SRPK2: variants seen among roughly 807,000 people sequenced by gnomAD.
SRPK2 encodes SRSF protein kinase 2.
SRPK2 carries 21 observed loss-of-function variants against 90.8 expected under a neutral mutation model. The observed-to-expected ratio is 0.23, with a 90% CI of 0.16 to 0.33. The LOEUF (loss-of-function observed/expected upper bound fraction) is 0.33. Ranked by LOEUF, SRPK2 falls within the 10% of genes least tolerant of loss-of-function variation. The pLI is 1.00. For missense variants in SRPK2, 620 were observed against 869.0 expected, an observed-to-expected ratio of 0.71 and a Z score of 3.60; for synonymous variants, 288 against 311.1, an observed-to-expected ratio of 0.93 and a Z score of 0.78.
In SRPK2 at chr7:105,142,361, T is replaced by A; in HGVS notation, c.1190A>T (p.His397Leu). 1 of 1,614,164 alleles carries A rather than the reference T, an allele frequency of 6.2e-7. No individual in the cohort carries two copies. The highest frequency in any genetic ancestry group is 8.5e-7 in the Non-Finnish European group (1 of 1,180,006). The change falls in exon 11 of 16, where the codon CAT (histidine) becomes CTT (leucine). Residue 397 changes from histidine (H) to leucine (L), a missense_variant. By Grantham distance (99) the His-to-Leu change is moderately conservative. Around this residue, in one of 8 missense-constraint regions of SRPK2, gnomAD observed 243 missense variants for 245.7 expected, o/e 0.99. Coordinates refer to ENST00000393651, the MANE Select transcript of SRPK2 (RefSeq NM_182692.3). ...CAGTGAGAATGGGCCATTCTCAATATGGCCATTGGTTTTAGGTGATTCTAT... is the reference window on the plus strand; with the variant it reads ...CAGTGAGAATGGGCCATTCTCAATAAGGCCATTGGTTTTAGGTGATTCTAT... ...TWIESPKTNG[H>L]IENGPFSLEQ...
At chr7:105,138,199 T>C (rs1271884309) in intron 11 of SRPK2, among the ~76,000 whole-genome samples, 2 of 152,186 alleles carry the variant, frequency 1.3e-5, no homozygotes, top group African/African-American at 4.8e-5. Context: ...CATTTGTTTG[T>C]TCGTTATTCA....
chr7:105,393,024 C>T (rs1282174372), upstream of SRPK2, among the ~76,000 whole-genome samples: 6 of 140,332 alleles, frequency 4.3e-5, no homozygotes, highest in South Asian at 2.3e-4. Flanking sequence ...AGGGAAGTCT[C>T]GCTCTGTCGC....
chr7:105,307,553 T>C (rs1343200603), intron 2 of SRPK2, among the ~76,000 whole-genome samples: 3 of 152,154 alleles, frequency 2.0e-5, no homozygotes, highest in African/African-American at 7.2e-5. Flanking sequence ...ATTATTAAAC[T>C]CTCACCTTTA....
intron 2 of SRPK2, among the ~76,000 whole-genome samples, chr7:105,348,271 A>T (rs1678004015): frequency 6.6e-6 from 1 of 151,676 alleles, no homozygotes; most frequent in African/African-American, 2.4e-5. Flanking sequence ...GGGTTTCTCC[A>T]TGTTGGTCAG....
downstream of SRPK2, among the ~76,000 whole-genome samples, chr7:105,115,826 T>C (rs937053359): frequency 1.3e-5 from 2 of 152,304 alleles, no homozygotes; most frequent in South Asian, 2.1e-4. Flanking sequence ...AAAATCCTTT[T>C]ACACTTAGGG....
intron 2 of SRPK2, among the ~76,000 whole-genome samples, chr7:105,312,936 C>T (rs1811882718): frequency 6.6e-6 from 1 of 152,072 alleles, no homozygotes; most frequent in Non-Finnish European, 1.5e-5. Flanking sequence ...CCACACCAGG[C>T]AAGAAAGTTT....
intron 11 of SRPK2, 49 bp from the exon 12 acceptor site, chr7:105,133,153 G>A (rs113456622): frequency 6.5e-7 from 1 of 1,542,870 alleles, no homozygotes; most frequent in East Asian, 2.2e-5. Context: ...TAGGTGGTTT[G>A]CATGTGTGAG....
At chr7:105,302,932 GGCATGGTGGCGGGC>G (rs1379532148) in intron 2 of SRPK2, among the ~76,000 whole-genome samples, 3 of 151,994 alleles carry the variant, frequency 2.0e-5, no homozygotes. Context: ...AAATTAGCCA[GGCATGGTGGCGGGC>G]GCCTGTAGTC....
At chr7:105,351,611 T>C (rs546021640) in intron 2 of SRPK2, among the ~76,000 whole-genome samples, 3 of 152,064 alleles carry the variant, frequency 2.0e-5, no homozygotes, top group Non-Finnish European at 4.4e-5. Flanking sequence ...AAGACCAGCC[T>C]TGCCAAAATG....
chr7:105,164,972 G>A (rs1808299447), intron 6 of SRPK2, among the ~76,000 whole-genome samples: 1 of 152,168 alleles, frequency 6.6e-6, no homozygotes, highest in Non-Finnish European at 1.5e-5. Context: ...CGATTTTCTT[G>A]AACCTTGGAA....
At chr7:105,163,899 A>G (rs1808105319) in intron 6 of SRPK2, among the ~76,000 whole-genome samples, 1 of 152,216 alleles carries the variant, frequency 6.6e-6, no homozygotes, top group Admixed American at 6.5e-5. Context: ...GACTGGTTCA[A>G]CTTATGCAAT....
At chr7:105,130,013 T>C (rs1030489978) in intron 13 of SRPK2, among the ~76,000 whole-genome samples, 6 of 152,142 alleles carry the variant, frequency 3.9e-5, no homozygotes, top group African/African-American at 1.4e-4. Flanking sequence ...AAACCAATGC[T>C]TCAGCCACAA....
intron 2 of SRPK2, among the ~76,000 whole-genome samples, chr7:105,217,754 G>C (rs935044793): frequency 2.6e-5 from 4 of 152,138 alleles, no homozygotes; most frequent in African/African-American, 9.7e-5. Context: ...AAAAAAATGA[G>C]TCTTTTCTCA....
chr7:105,288,853 A>G (rs1808543566), intron 2 of SRPK2, among the ~76,000 whole-genome samples: 1 of 152,158 alleles, frequency 6.6e-6, no homozygotes, highest in Non-Finnish European at 1.5e-5. Context: ...ATGTCTAGAC[A>G]CTGACTTAGG....
chr7:105,385,244 A>C (rs1345524968), intron 2 of SRPK2, among the ~76,000 whole-genome samples: 1 of 134,252 alleles, frequency 7.4e-6, no homozygotes, highest in Non-Finnish European at 1.5e-5. Context: ...GCAGTGGCAC[A>C]ATCCCGGCTC....
chr7:105,331,874 C>G (rs1241095357), intron 2 of SRPK2, among the ~76,000 whole-genome samples: 1 of 152,124 alleles, frequency 6.6e-6, no homozygotes, highest in African/African-American at 2.4e-5. Flanking sequence ...GAACTCGCAC[C>G]TTGGCCAGGC....
intron 3 of SRPK2, among the ~76,000 whole-genome samples, chr7:105,179,921 CAAA>C (rs1392152527): frequency 6.6e-6 from 1 of 150,578 alleles, no homozygotes. Flanking sequence ...AAAACACTCT[CAAA>C]GAAATCAGAG....
chr7:105,345,523 TCATTATAAGGAAAACA>T (rs1585808853), intron 2 of SRPK2, among the ~76,000 whole-genome samples: 2 of 152,098 alleles, frequency 1.3e-5, no homozygotes, highest in African/African-American at 4.8e-5. Flanking sequence ...GAAAAAAAAT[TCATTATAAGGAAAACA>T]CATTATATGT....
At chr7:105,352,281 T>A (rs1817285047) in intron 2 of SRPK2, among the ~76,000 whole-genome samples, 1 of 152,206 alleles carries the variant, frequency 6.6e-6, no homozygotes, top group Admixed American at 6.5e-5. Flanking sequence ...CTAACAAACG[T>A]GGCAGAAGTG....
Sources: allele counts gnomAD v4.1 joint callset (sites outside exome capture counted in the v4.1 genomes callset), GRCh38; gene constraint gnomAD v4.1.1; regional missense constraint gnomAD v4.1.1; transcripts MANE v1.5; gene names NCBI Gene and HGNC (gene_info 2026-07-23, HGNC 2026-07-21).